The following ADAMTSL1 variants were observed in gnomAD, a reference collection of about 807,000 sequenced individuals.
ADAMTSL1 encodes the protein ADAMTS like 1.
Under a neutral mutation model 201.8 loss-of-function variants are expected in ADAMTSL1, and 126 were observed. The observed-to-expected ratio is 0.62, with a 90% confidence interval of 0.54 to 0.72. The LOEUF is 0.72. Ranked by LOEUF, ADAMTSL1 falls within the 30% of genes least tolerant of loss-of-function variation. ADAMTSL1 has a pLI of 0.00. For missense variants in ADAMTSL1, 2,679 were observed against 2,277.8 expected (o/e 1.18, Z -3.59); for synonymous variants, 1,121 against 903.4 (o/e 1.24, Z -4.32).
intron 3 of ADAMTSL1, among the ~76,000 whole-genome samples, chr9:18,538,316 G>A (rs1231640275): frequency 2.0e-5 from 3 of 152,102 alleles, no homozygotes; most frequent in Admixed American, 6.6e-5. Flanking sequence ...CAGCATTGTT[G>A]TGTGAAACAG....
At chr9:18,776,222 G>A (rs1303485830) in intron 18 of ADAMTSL1, among the ~76,000 whole-genome samples, 2 of 151,990 alleles carry the variant, frequency 1.3e-5, no homozygotes, top group Admixed American at 6.6e-5. Context: ...GGTTTTAAAC[G>A]ACTCTAAACA....
At chr9:18,319,042 C>T (rs1834520438) in intron 2 of ADAMTSL1, among the ~76,000 whole-genome samples, 1 of 152,098 alleles carries the variant, frequency 6.6e-6, no homozygotes, top group South Asian at 2.1e-4. Context: ...GACCCCATCT[C>T]AACAAACAAT....
chr9:18,740,457 C>CTTTTTT (rs66460645), intron 15 of ADAMTSL1, among the ~76,000 whole-genome samples: 3 of 126,604 alleles, frequency 2.4e-5, no homozygotes, highest in Non-Finnish European at 3.2e-5. Context: ...ATGTTCCTTT[C>CTTTTTT]TTTTTTTTTT....
intron 4 of ADAMTSL1, 119 bp downstream of exon 4, chr9:18,574,385 T>C: frequency 1.1e-6 from 1 of 948,108 alleles, no homozygotes; most frequent in Non-Finnish European, 1.7e-6. Context: ...AGTTTGTAAA[T>C]GGTGAAAGAT....
intron 21 of ADAMTSL1, among the ~76,000 whole-genome samples, chr9:18,823,062 C>T (rs1431620699): frequency 6.6e-6 from 1 of 152,234 alleles, no homozygotes; most frequent in African/African-American, 2.4e-5. Flanking sequence ...CTGGCTGTCA[C>T]TCCAAGGTGT....
chr9:18,702,392 T>TTTTTATTATTA (rs1831975724), intron 13 of ADAMTSL1, among the ~76,000 whole-genome samples: 1 of 152,226 alleles, frequency 6.6e-6, no homozygotes, highest in Non-Finnish European at 1.5e-5. Flanking sequence ...AAAGTGATTA[T>TTTTTATTATTA]TTTTATTATT....
intron 2 of ADAMTSL1, among the ~76,000 whole-genome samples, chr9:18,213,575 A>G (rs1169183607): frequency 6.6e-6 from 1 of 152,212 alleles, no homozygotes; most frequent in Non-Finnish European, 1.5e-5. Context: ...CTGTTACTTC[A>G]TAACTGTAAC....
At chr9:18,323,701 A>G (rs1412829582) in intron 2 of ADAMTSL1, among the ~76,000 whole-genome samples, 1 of 152,214 alleles carries the variant, frequency 6.6e-6, no homozygotes, top group Non-Finnish European at 1.5e-5. Context: ...CTATCAACAA[A>G]TAATTAAAAT....
intron 1 of ADAMTSL1, among the ~76,000 whole-genome samples, chr9:18,488,217 T>C (rs1563990984): frequency 6.6e-6 from 1 of 152,194 alleles, no homozygotes; most frequent in African/African-American, 2.4e-5. Flanking sequence ...AGAGTCTGTA[T>C]GTTTGTCTTA....
chr9:18,025,381 G>C (rs1296508073), intron 1 of ADAMTSL1, among the ~76,000 whole-genome samples: 2 of 152,186 alleles, frequency 1.3e-5, no homozygotes, highest in East Asian at 3.9e-4. Context: ...GATTTTTATA[G>C]TTTCAGCTCT....
intron 7 of ADAMTSL1, among the ~76,000 whole-genome samples, chr9:18,653,810 A>G (rs933525909): frequency 3.9e-5 from 6 of 152,196 alleles, no homozygotes; most frequent in African/African-American, 1.4e-4. Flanking sequence ...AACTGTTAAA[A>G]TTATCAGGTA....
chr9:18,675,478 C>T (rs1033407458), intron 9 of ADAMTSL1, among the ~76,000 whole-genome samples: 1 of 152,132 alleles, frequency 6.6e-6, no homozygotes, highest in African/African-American at 2.4e-5. Context: ...TGGCGAGCAT[C>T]TGGAAGTAAC....
intron 1 of ADAMTSL1, among the ~76,000 whole-genome samples, chr9:18,016,926 A>T (rs1324206593): frequency 6.6e-6 from 1 of 151,970 alleles, no homozygotes; most frequent in East Asian, 1.9e-4. Context: ...ATATGAAAAA[A>T]CTGGGGGAGA....
chr9:18,051,042 C>T (rs1173601433), intron 1 of ADAMTSL1, among the ~76,000 whole-genome samples: 3 of 152,184 alleles, frequency 2.0e-5, no homozygotes, highest in African/African-American at 7.2e-5. Flanking sequence ...TGGCTCACGC[C>T]TGTAATCCCA....
At chr9:18,685,751 G>A (rs1830788966) in intron 13 of ADAMTSL1, among the ~76,000 whole-genome samples, 1 of 152,142 alleles carries the variant, frequency 6.6e-6, no homozygotes, top group Non-Finnish European at 1.5e-5. Context: ...CATTCTGTTT[G>A]AATCTAAATC....
intron 1 of ADAMTSL1, among the ~76,000 whole-genome samples, chr9:17,996,068 A>G (rs542543897): frequency 7.9e-5 from 12 of 152,058 alleles, no homozygotes; most frequent in Non-Finnish European, 1.5e-4. Context: ...TTTTAATACT[A>G]CTAATATTTT....
chr9:18,512,622 T>G (rs1317035007), intron 2 of ADAMTSL1, among the ~76,000 whole-genome samples: 1 of 152,172 alleles, frequency 6.6e-6, no homozygotes, highest in Non-Finnish European at 1.5e-5. Flanking sequence ...TACCAAATTA[T>G]TAATTTGCCT....
At chr9:18,891,284 T>A (rs1354058507) in intron 25 of ADAMTSL1, among the ~76,000 whole-genome samples, 2 of 152,228 alleles carry the variant, frequency 1.3e-5, no homozygotes, top group East Asian at 1.9e-4. Context: ...TGGTTGTCTC[T>A]TTGAGATACA....
intron 14 of ADAMTSL1, among the ~76,000 whole-genome samples, chr9:18,713,543 A>G (rs1037520269): frequency 1.6e-4 from 25 of 152,040 alleles, no homozygotes; most frequent in East Asian, 1.2e-3. Flanking sequence ...CAACAAGAAG[A>G]GCTAACTATC....
Sources: gnomAD v4.1 joint callset for allele counts (sites outside exome capture counted in the v4.1 genomes callset) on GRCh38, gnomAD v4.1.1 for gene constraint, MANE v1.5 for transcripts, NCBI Gene and HGNC (gene_info 2026-07-23, HGNC 2026-07-21) for gene names.